The following PRKCB variants were observed in gnomAD, a reference collection of about 807,000 sequenced individuals.
The protein encoded by PRKCB is protein kinase C beta type.
In PRKCB, 13 loss-of-function variants were observed where a neutral mutation model predicts 81.5. That is an observed-to-expected ratio of 0.16 (90% CI 0.10 to 0.25). The LOEUF is 0.25. Among genes scored for constraint, PRKCB ranks in the 10% least tolerant of loss-of-function variants. The pLI, the probability that PRKCB is intolerant of heterozygous loss-of-function variation, is 1.00. For synonymous variants in PRKCB, 335 were observed against 321.4 expected (o/e 1.04, Z -0.45); for missense variants, 509 against 875.7 (o/e 0.58, Z 5.29).
intron 2 of PRKCB, among the ~76,000 whole-genome samples, chr16:23,962,050 G>T (rs11074594): frequency 6.6e-6 from 1 of 151,916 alleles, no homozygotes; most frequent in African/African-American, 2.4e-5. Flanking sequence ...TTCATACTCC[G>T]CATCTCTGGG....
At chr16:23,886,778 A>G (rs1021205162) in intron 2 of PRKCB, among the ~76,000 whole-genome samples, 4 of 151,826 alleles carry the variant, frequency 2.6e-5, no homozygotes, top group African/African-American at 9.7e-5. Context: ...CATCATTTTC[A>G]TTTATCTCCT....
chr16:23,867,741 G>C (rs1962832595), intron 2 of PRKCB, among the ~76,000 whole-genome samples: 1 of 152,156 alleles, frequency 6.6e-6, no homozygotes, highest in South Asian at 2.1e-4. Context: ...GAAGACTGAG[G>C]CTCAGGGTCA....
intron 4 of PRKCB, among the ~76,000 whole-genome samples, chr16:24,034,478 C>T (rs1465124428): frequency 6.6e-6 from 1 of 152,230 alleles, no homozygotes; most frequent in African/African-American, 2.4e-5. Flanking sequence ...AGAAATCACC[C>T]ACCACATTGA....
chr16:24,073,525 A>G (rs976566696), intron 5 of PRKCB, among the ~76,000 whole-genome samples: 1 of 151,988 alleles, frequency 6.6e-6, no homozygotes, highest in Non-Finnish European at 1.5e-5. Flanking sequence ...TGTAGAGACA[A>G]AGTCTTGCTA....
At chr16:24,009,235 A>T (rs1333885075) in intron 3 of PRKCB, among the ~76,000 whole-genome samples, 1 of 152,160 alleles carries the variant, frequency 6.6e-6, no homozygotes, top group Non-Finnish European at 1.5e-5. Flanking sequence ...GCTGAATCAT[A>T]TGGTAGTTCT....
intron 8 of PRKCB, among the ~76,000 whole-genome samples, chr16:24,114,352 T>C (rs1225875211): frequency 6.6e-6 from 1 of 151,602 alleles, no homozygotes; most frequent in Non-Finnish European, 1.5e-5. Flanking sequence ...GGAATCTGGA[T>C]TGGCTCTATT....
At chr16:23,951,982 A>G (rs1964290576) in intron 2 of PRKCB, among the ~76,000 whole-genome samples, 1 of 152,132 alleles carries the variant, frequency 6.6e-6, no homozygotes, top group African/African-American at 2.4e-5. Flanking sequence ...TCAGACTGTG[A>G]GAAACTTGAG....
At chr16:23,942,496 G>C (rs1466608073) in intron 2 of PRKCB, among the ~76,000 whole-genome samples, 1 of 152,138 alleles carries the variant, frequency 6.6e-6, no homozygotes, top group Non-Finnish European at 1.5e-5. Context: ...CTTGATGAGG[G>C]CATTGAGAAG....
intron 2 of PRKCB, among the ~76,000 whole-genome samples, chr16:23,847,408 C>A (rs908635589): frequency 6.6e-6 from 1 of 151,556 alleles, no homozygotes; most frequent in African/African-American, 2.4e-5. Flanking sequence ...ATCCATCCAC[C>A]TATCCACCAA....
chr16:24,198,074 C>T (rs1177937415), intron 16 of PRKCB, among the ~76,000 whole-genome samples: 1 of 152,058 alleles, frequency 6.6e-6, no homozygotes, highest in Non-Finnish European at 1.5e-5. Flanking sequence ...GGGCTGTACC[C>T]AGGGAGTTGC....
chr16:23,848,092 C>T (rs1053108471), intron 2 of PRKCB, among the ~76,000 whole-genome samples: 4 of 152,032 alleles, frequency 2.6e-5, no homozygotes, highest in Non-Finnish European at 5.9e-5. Context: ...GAGAATAGGG[C>T]ACATGCAGGG....
chr16:24,002,023 A>T (rs1965041084), intron 3 of PRKCB, among the ~76,000 whole-genome samples: 1 of 152,018 alleles, frequency 6.6e-6, no homozygotes, highest in African/African-American at 2.4e-5. Context: ...AACATCAGTT[A>T]TTTGTGGTTT....
intron 15 of PRKCB, among the ~76,000 whole-genome samples, chr16:24,186,144 G>C (rs901460641): frequency 1.3e-5 from 2 of 152,148 alleles, no homozygotes; most frequent in Non-Finnish European, 2.9e-5. Flanking sequence ...TTATGCACAG[G>C]GCACCTGTGA....
chr16:24,043,474 G>A (rs1027147640), intron 5 of PRKCB, among the ~76,000 whole-genome samples: 5 of 151,886 alleles, frequency 3.3e-5, no homozygotes, highest in Non-Finnish European at 7.4e-5. Flanking sequence ...TCTGTCTATG[G>A]AACATCTATC....
intron 3 of PRKCB, among the ~76,000 whole-genome samples, chr16:24,025,299 C>T (rs973872213): frequency 1.3e-5 from 2 of 152,188 alleles, no homozygotes; most frequent in African/African-American, 2.4e-5. Flanking sequence ...GTGCTTGCCA[C>T]GGGCAAAACA....
chr16:23,981,974 T>TC (rs1964727996), intron 2 of PRKCB, among the ~76,000 whole-genome samples: 1 of 106,146 alleles, frequency 9.4e-6, no homozygotes, highest in African/African-American at 3.6e-5. Context: ...CCCTTCCCCT[T>TC]CCCTTCCCTT....
At chr16:23,930,250 G>A (rs574126131) in intron 2 of PRKCB, among the ~76,000 whole-genome samples, 1 of 152,194 alleles carries the variant, frequency 6.6e-6, no homozygotes, top group South Asian at 2.1e-4. Flanking sequence ...AGGTGCACAA[G>A]GTGAGTTATT....
At chr16:24,157,163 G>A (rs1967173742) in intron 10 of PRKCB, among the ~76,000 whole-genome samples, 1 of 152,204 alleles carries the variant, frequency 6.6e-6, no homozygotes, top group African/African-American at 2.4e-5. Flanking sequence ...TTTTGCAGAA[G>A]TCTGGGTCCC....
chr16:23,904,910 T>C (rs1188888341), intron 2 of PRKCB, among the ~76,000 whole-genome samples: 2 of 152,162 alleles, frequency 1.3e-5, no homozygotes, highest in African/African-American at 4.8e-5. Context: ...ACCAGGCTTT[T>C]TAAGAAATCT....
Sources: gnomAD v4.1 joint callset for allele counts (sites outside exome capture counted in the v4.1 genomes callset) on GRCh38, gnomAD v4.1.1 for gene constraint, MANE v1.5 for transcripts, NCBI Gene and HGNC (gene_info 2026-07-23, HGNC 2026-07-21) for gene names.